WDR54: variants seen among roughly 807,000 people sequenced by gnomAD.
WDR54 encodes WD repeat-containing protein 54.
In WDR54, 44 loss-of-function variants were observed where a neutral mutation model predicts 44.1. That is an observed-to-expected ratio of 1.00 (90% CI 0.78 to 1.28). The LOEUF (loss-of-function observed/expected upper bound fraction) is 1.28, where lower values mean the gene tolerates loss of function less well. WDR54 is among the 50% of genes most tolerant of loss of function. The pLI is 0.00. For synonymous variants in WDR54, 169 were observed against 169.8 expected, an observed-to-expected ratio of 1.00 and a Z score of 0.04; for missense variants, 409 against 429.7, an observed-to-expected ratio of 0.95 and a Z score of 0.43.
chr2:74,425,233 G>A lies in WDR54; in HGVS notation c.794G>A (p.Gly265Asp). ...ICALDLASEVGKLLSAGEDTF... is the reference protein window; with the variant it reads ...ICALDLASEVDKLLSAGEDTF... ...GCCCTGGACCTGGCTTCTGAGGTGGGCAAGGTAAGTCTCCTCCTCTGTACC... is the reference window on the plus strand; with the variant it reads ...GCCCTGGACCTGGCTTCTGAGGTGGACAAGGTAAGTCTCCTCCTCTGTACC... Residue 265 changes from glycine (G) to aspartate (D), a missense_variant, in exon 8 of 10, where the codon GGC (glycine) becomes GAC (aspartate). Transcript: ENST00000348227. 1.3e-6 allele frequency: 2 copies of A among 1,531,106 alleles called. No homozygotes were observed. The highest frequency in any genetic ancestry group is 2.6e-5 in the South Asian group (2 of 77,312). 94.8% of individuals were successfully genotyped at this position (1,531,106 alleles called of 1,614,324 possible).
intron 6 of WDR54, 83 bp downstream of exon 6, chr2:74,424,065 C>A: frequency 6.4e-7 from 1 of 1,562,260 alleles, no homozygotes; most frequent in Non-Finnish European, 8.7e-7. Context: ...GGCTCTGCCA[C>A]TAAACAGGTG....
intron 1 of WDR54, 60 bp from the exon 2 acceptor site, chr2:74,422,093 G>C: frequency 3.9e-6 from 6 of 1,545,784 alleles, no homozygotes; most frequent in Non-Finnish European, 5.3e-6. Flanking sequence ...AGCCGCCCTC[G>C]GGCATCTCCG....
At position 74,425,688 on chromosome 2, in the gene WDR54, T is replaced by A; in HGVS notation, c.992T>A (p.Phe331Tyr). Reference protein sequence around the residue: ...TGYDLAEIRRFSSV With the variant: ...TGYDLAEIRRYSSV ...TATGACCTTGCGGAGATCCGGAGAT[T>A]CAGCAGTGTGTGAGAAGAGCAGCCT... Residue 331 changes from phenylalanine to tyrosine, a missense_variant, in exon 10 of 10, where the codon TTC becomes TAC. Transcript: ENST00000348227. 1.2e-6 allele frequency: 2 copies of A among 1,614,214 alleles called. No individual in the cohort carries two copies. Among genetic ancestry groups the A allele is most frequent in the Non-Finnish European group, 1.7e-6 (2 of 1,180,038 alleles).
At position 74,421,792 on chromosome 2, in the gene WDR54, C is replaced by CA. The variant is rs1676630771; in HGVS notation, c.-25dup. The stretch of plus-strand genomic sequence containing the variant: ...TGGAGGGACCCTACGAACCAGGAGT[C>CA]AGGCGAGCCGATCTGGGGCTGCAGG... On this transcript the variant is annotated 5_prime_UTR_variant, in exon 1 of 10. Transcript: ENST00000348227. 1 of 674,200 alleles carries CA rather than the reference C, an allele frequency of 1.5e-6. No homozygotes were observed. Among genetic ancestry groups the CA allele is most frequent in the Non-Finnish European group, 2.7e-6 (1 of 365,936 alleles). 41.8% of individuals were successfully genotyped at this position (674,200 alleles called of 1,614,324 possible). A position where few individuals can be genotyped will look rare whatever the true frequency, so the allele number is the denominator to read the frequency against.
rs182924671 is a variant in WDR54 at position 74,422,735 on chromosome 2, G to A, written c.223-135G>A. 5.7e-4 allele frequency: 464 copies of A among 811,868 alleles called. 3 individuals are homozygous for A. The African/African-American group carries it at 7.0e-3, about 12-fold the overall frequency. The allele number at this position is 811,868 out of a possible 1,614,324, so 50.3% of individuals were successfully genotyped here. A position where few individuals can be genotyped will look rare whatever the true frequency, so the allele number is the denominator to read the frequency against. On this transcript the variant is annotated intron_variant, in intron 2 of 9. Transcript: ENST00000348227. ...TTGAACCCAGGAGGCTGAGGTTGCA[G>A]TGAGCCGAGATGGCGCCACTGCACT...
Position 74,422,161 on chromosome 2 carries a change from G to C in WDR54, c.8G>C (p.Arg3Pro). 1 of 1,612,528 alleles carries C rather than the reference G, an allele frequency of 6.2e-7. No homozygotes were observed. Among genetic ancestry groups the C allele is most frequent in the African/African-American group, 1.3e-5 (1 of 75,016 alleles). Residue 3 changes from arginine to proline, a missense_variant, in exon 2 of 10, where the codon CGC (arginine) becomes CCC (proline). Arg to Pro is a moderately radical substitution (Grantham distance 103, BLOSUM62 -2). Transcript: ENST00000348227. MF[R>P]WERSIPLRGS... ...GCTGCACCCCCACACAGGATGTTCCGCTGGGAGCGCTCCATTCCCCTGCGA... is the reference window on the plus strand; with the variant it reads ...GCTGCACCCCCACACAGGATGTTCCCCTGGGAGCGCTCCATTCCCCTGCGA...
chr2:74,423,628 G>A (rs1670222924), intron 5 of WDR54, 97 bp downstream of exon 5: 1 of 1,535,950 alleles, frequency 6.5e-7, no homozygotes. Flanking sequence ...GAAAGTTAGA[G>A]GGAAGGGTGG....
intron 7 of WDR54, 24 bp from the exon 8 acceptor site, chr2:74,425,048 AAAC>A (rs1386957367): frequency 1.2e-6 from 2 of 1,612,464 alleles, no homozygotes; most frequent in Non-Finnish European, 1.7e-6. Flanking sequence ...GATCTGGGCA[AAAC>A]AAAGTTGGGT....
chr2:74,422,456 A>G (rs895815131), intron 2 of WDR54, 81 bp downstream of exon 2: 4 of 1,444,074 alleles, frequency 2.8e-6, no homozygotes, highest in African/African-American at 2.8e-5. Flanking sequence ...AGGAGCAGGC[A>G]TGTCCTAACC....
intron 5 of WDR54, 75 bp from the exon 6 acceptor site, chr2:74,423,780 G>GT: frequency 1.9e-6 from 3 of 1,582,434 alleles, no homozygotes; most frequent in South Asian, 2.3e-5. Context: ...CTGGGATGGA[G>GT]TAAGTGTTGA....
rs1670200175 is a variant in WDR54, at chr2:74,423,152, TAAC to T, written c.286-166_286-164del. 2.6e-5 allele frequency: 24 copies of T among 912,508 alleles called. No individual in the cohort carries two copies. In the East Asian group the frequency reaches 5.9e-4, roughly 22 times the overall value. The allele number at this position is 912,508 out of a possible 1,614,324, so 56.5% of individuals were successfully genotyped here. A position where few individuals can be genotyped will look rare whatever the true frequency, so the allele number is the denominator to read the frequency against. ...TACTAGCTGTATGTCCTTACACTAT[TAAC>T]TTCTCACTCTCACTGTTGTCCTCTG... On this transcript the variant is annotated intron_variant, in intron 3 of 9. Coordinates refer to ENST00000348227, the MANE Select transcript of WDR54 (RefSeq NM_032118.4).
In WDR54 at chr2:74,425,567, C is replaced by T. The variant is rs1297546844; in HGVS notation, c.874-3C>T. The T allele has an allele frequency of 6.2e-7, 1 of 1,614,216 alleles. No individual in the cohort carries two copies. Among genetic ancestry groups the T allele is most frequent in the Non-Finnish European group, 8.5e-7 (1 of 1,180,026 alleles). ...GGCCCTGACGAGCCCTCTGCTCCCC[C>T]AGGTGGAACACTGTCATGGTGAGTG... On this transcript the variant is annotated splice_region_variant and splice_polypyrimidine_tract_variant and intron_variant, in intron 9 of 9. Transcript: ENST00000348227.
At chr2:74,421,856 A>T (rs991678789) in intron 1 of WDR54, 40 bp downstream of exon 1, 23 of 638,476 alleles carry the variant, frequency 3.6e-5, no homozygotes, top group Non-Finnish European at 6.3e-5. Flanking sequence ...CAGGGATCCG[A>T]GCCGAGGGAG....
Position 74,422,228 on chromosome 2 carries a change from G to A in WDR54, c.75G>A (p.Gln25=). The change falls in exon 2 of 10, where the codon CAG becomes CAA. Residue 25 remains glutamine (Q), a synonymous_variant. Coordinates refer to ENST00000348227, the MANE Select transcript of WDR54 (RefSeq NM_032118.4). ...AALCNNLSVL[Q]LPARNLTYFG... ...TGTGCAACAACCTCAGTGTGCTGCA[G>A]CTGCCGGCTCGCAACCTCACGTATT... 6.2e-7 allele frequency: 1 copy of A among 1,614,188 alleles called. No individual in the cohort carries two copies. The highest frequency in any genetic ancestry group is 2.2e-5 in the East Asian group (1 of 44,884).
rs1273148356 is a variant in WDR54, at chr2:74,425,665, T to C, written c.969T>C (p.Tyr323=). 6.2e-7 allele frequency: 1 copy of C among 1,614,238 alleles called. No homozygotes were observed. Among genetic ancestry groups the C allele is most frequent in the Admixed American group, 1.7e-5 (1 of 60,028 alleles). Residue 323 remains tyrosine (Y), a synonymous_variant, in exon 10 of 10, where the codon TAT becomes TAC. Transcript: ENST00000348227. ...GCAACTCCTTTGCTGTGACTGGCTATGACCTTGCGGAGATCCGGAGATTCA... is the reference window on the plus strand; with the variant it reads ...GCAACTCCTTTGCTGTGACTGGCTACGACCTTGCGGAGATCCGGAGATTCA... ...SSGNSFAVTG[Y]DLAEIRRFSS... is the part of the protein sequence containing the mutation.
intron 6 of WDR54, 116 bp from the exon 7 acceptor site, chr2:74,424,759 C>T (rs1670284613): frequency 7.6e-7 from 1 of 1,310,608 alleles, no homozygotes; most frequent in African/African-American, 1.4e-5. Context: ...AGCTCCACAC[C>T]TTGCCCTTTC....
chr2:74,425,232 G>C lies in WDR54; in HGVS notation c.793G>C (p.Gly265Arg), dbSNP rs775056264. ...CGCCCTGGACCTGGCTTCTGAGGTGGGCAAGGTAAGTCTCCTCCTCTGTAC... is the reference window on the plus strand; with the variant it reads ...CGCCCTGGACCTGGCTTCTGAGGTGCGCAAGGTAAGTCTCCTCCTCTGTAC... ...ICALDLASEV[G>R]KLLSAGEDTF... Residue 265 changes from glycine (G) to arginine (R), a missense_variant, in exon 8 of 10, where the codon GGC becomes CGC. Gly to Arg is a moderately radical substitution (Grantham distance 125, BLOSUM62 -2). Transcript: ENST00000348227. 6.5e-7 allele frequency: 1 copy of C among 1,531,144 alleles called. No individual in the cohort carries two copies. The highest frequency in any genetic ancestry group is 8.8e-7 in the Non-Finnish European group (1 of 1,138,800). 94.8% of individuals were successfully genotyped at this position (1,531,144 alleles called of 1,614,324 possible).
chr2:74,422,384 T>TG lies in WDR54; in HGVS notation c.222+11dup, dbSNP rs2103851458. 1 of 1,609,342 alleles carries TG rather than the reference T, an allele frequency of 6.2e-7. No homozygotes were observed. Among genetic ancestry groups the TG allele is most frequent in the South Asian group, 1.1e-5 (1 of 90,616 alleles). On this transcript the variant is annotated intron_variant, in intron 2 of 9. Transcript: ENST00000348227. The stretch of plus-strand genomic sequence containing the variant: ...CCCCACTTATCACTCAGGTGAGGCA[T>TG]GGAGCTGGGAGTGATGTTGCTGAAC...
rs996655326 is a variant in WDR54 at position 74,421,779 on chromosome 2, A to G, written c.-39A>G. On this transcript the variant is annotated 5_prime_UTR_variant, in exon 1 of 10. Coordinates refer to ENST00000348227, the MANE Select transcript of WDR54 (RefSeq NM_032118.4). The stretch of plus-strand genomic sequence containing the variant: ...GTGGCGGCGGATTTGGAGGGACCCT[A>G]CGAACCAGGAGTCAGGCGAGCCGAT... The G allele has an allele frequency of 9.0e-6, 6 of 666,906 alleles. No homozygotes were observed. The highest frequency in any genetic ancestry group is 1.7e-5 in the Non-Finnish European group (6 of 361,472). 41.3% of individuals were successfully genotyped at this position (666,906 alleles called of 1,614,324 possible).
Sources: gnomAD v4.1 joint callset for allele counts on GRCh38, gnomAD v4.1.1 for gene constraint, MANE v1.5 for transcripts, NCBI Gene and HGNC (gene_info 2026-07-23, HGNC 2026-07-21) for gene names.